SLC15A5: variants seen among roughly 807,000 people sequenced by gnomAD.
SLC15A5 encodes solute carrier family 15 member 5.
A neutral mutation model predicts 56.1 loss-of-function variants in SLC15A5; 58 were observed. The observed-to-expected ratio is 1.03, with a 90% CI of 0.84 to 1.29. The LOEUF is 1.29. Among genes scored for constraint, SLC15A5 ranks in the 50% most tolerant of loss-of-function variants. The pLI, the probability that SLC15A5 is intolerant of heterozygous loss-of-function variation, is 0.00. For missense variants in SLC15A5, 681 were observed against 672.1 expected (o/e 1.01, Z -0.15); for synonymous variants, 264 against 250.5 (o/e 1.05, Z -0.51).
chr12:16,206,686 C>G (rs1354510407), intron 7 of SLC15A5, among the ~76,000 whole-genome samples: 3 of 152,176 alleles, frequency 2.0e-5, no homozygotes, highest in Non-Finnish European at 4.4e-5. Flanking sequence ...CTCAGATCTG[C>G]ACATGCTTGA....
chr12:16,242,822 G>C (rs7303178), intron 4 of SLC15A5, among the ~76,000 whole-genome samples: 3,237 of 152,270 alleles, frequency 0.021, 115 homozygotes, highest in African/African-American at 0.071. Flanking sequence ...AAGCTTTTGA[G>C]GTTAGCTATG....
chr12:16,244,548 T>G, intron 4 of SLC15A5, 32 bp downstream of exon 4: 1 of 1,510,912 alleles, frequency 6.6e-7, no homozygotes, highest in Non-Finnish European at 8.9e-7. Flanking sequence ...CACTTTCCTG[T>G]TGTTGGGGTA....
chr12:16,254,608 A>G (rs1008404225), intron 3 of SLC15A5, among the ~76,000 whole-genome samples: 1 of 152,092 alleles, frequency 6.6e-6, no homozygotes, highest in East Asian at 1.9e-4. Context: ...TTGGATGCCT[A>G]GACTGATTCC....
chr12:16,233,692 C>T (rs781388332), intron 5 of SLC15A5, among the ~76,000 whole-genome samples: 27 of 152,252 alleles, frequency 1.8e-4, no homozygotes, highest in Non-Finnish European at 2.9e-4. Context: ...TTGAGAGAGC[C>T]GTCTTTTGGG....
chr12:16,240,017 T>C (rs1864397431), intron 4 of SLC15A5, 150 bp from the exon 5 acceptor site: 3 of 685,066 alleles, frequency 4.4e-6, no homozygotes, highest in Non-Finnish European at 7.2e-6. Flanking sequence ...TATGAGCTGA[T>C]AAAGGGTCTT....
In SLC15A5 at chr12:16,216,948, T is replaced by A. The variant is rs983244072; in HGVS notation, c.1428A>T (p.Gly476=). 2.0e-6 allele frequency: 3 copies of A among 1,536,814 alleles called. No homozygotes were observed. In the Admixed American group the frequency reaches 5.9e-5, roughly 30 times the overall value. Residue 476 remains glycine, a synonymous_variant, in exon 7 of 9, where the codon GGA becomes GGT. Transcript: ENST00000344941. The stretch of plus-strand genomic sequence containing the variant: ...GCAGTGCCCCTGTGAAACAGCCAAA[T>A]CCATTGAACAGTGTCAGAAAATTCA... The part of the protein sequence containing the change: ...TSMNFLTLFN[G]FGCFTGALLV...
chr12:16,244,986 A>G (rs1486186939), intron 3 of SLC15A5, among the ~76,000 whole-genome samples, 186 bp from the exon 4 acceptor site: 1 of 152,222 alleles, frequency 6.6e-6, no homozygotes, highest in Non-Finnish European at 1.5e-5. Context: ...TGACCAGCCC[A>G]TGGTGGCACC....
rs1390672464 is a variant in SLC15A5, at chr12:16,188,820, A to T, written c.*848T>A. The T allele has an allele frequency of 6.6e-6, 1 of 152,158 alleles. No homozygotes were observed. Among genetic ancestry groups the T allele is most frequent in the Non-Finnish European group, 1.5e-5 (1 of 67,998 alleles). The allele number at this position is 152,158 out of a possible 1,614,324, so 9.4% of individuals were successfully genotyped here. On this transcript the variant is annotated 3_prime_UTR_variant, in exon 9 of 9. Coordinates refer to ENST00000344941, the MANE Select transcript of SLC15A5 (RefSeq NM_001170798.1). ...GAGAAACAGACTTTAATTTTATTTG[A>T]TTTTTTAAAAAATGAGTTTCCACAT... is the stretch of plus-strand genomic sequence containing the variant.
chr12:16,197,031 AAGAT>A (rs1159273603), intron 7 of SLC15A5, among the ~76,000 whole-genome samples: 1 of 151,966 alleles, frequency 6.6e-6, no homozygotes, highest in Non-Finnish European at 1.5e-5. Context: ...AAGTTAGAGA[AAGAT>A]AGTATAAATC....
chr12:16,274,370 C>T (rs1864794553), intron 1 of SLC15A5, among the ~76,000 whole-genome samples: 1 of 152,000 alleles, frequency 6.6e-6, no homozygotes, highest in Admixed American at 6.6e-5. Flanking sequence ...AAAATGGCTC[C>T]TCCATGTTCG....
chr12:16,264,358 T>G (rs926449919), intron 2 of SLC15A5, among the ~76,000 whole-genome samples: 1 of 152,244 alleles, frequency 6.6e-6, no homozygotes, highest in African/African-American at 2.4e-5. Flanking sequence ...TTGGAATGGC[T>G]GTATTTACCC....
chr12:16,232,383 G>A (rs147953947), intron 5 of SLC15A5, among the ~76,000 whole-genome samples: 2 of 152,102 alleles, frequency 1.3e-5, no homozygotes, highest in East Asian at 3.9e-4. Flanking sequence ...ATTTTAGGAA[G>A]GTCCAACATC....
At chr12:16,227,546 G>A (rs775324203) in intron 5 of SLC15A5, among the ~76,000 whole-genome samples, 12 of 152,278 alleles carry the variant, frequency 7.9e-5, no homozygotes, top group East Asian at 7.7e-4. Flanking sequence ...GTTTCAGTAC[G>A]AAAAGGTGAA....
intron 5 of SLC15A5, among the ~76,000 whole-genome samples, chr12:16,225,062 AT>A (rs775166075): frequency 6.6e-6 from 1 of 152,006 alleles, no homozygotes; most frequent in African/African-American, 2.4e-5. Context: ...TGAACCCATG[AT>A]TTTTTATGGC....
At chr12:16,197,550 A>T (rs969708579) in intron 7 of SLC15A5, among the ~76,000 whole-genome samples, 2 of 152,148 alleles carry the variant, frequency 1.3e-5, no homozygotes, top group Admixed American at 6.6e-5. Flanking sequence ...TGAAATGATG[A>T]TAACAGAATC....
chr12:16,251,705 G>A (rs1671474), intron 3 of SLC15A5, among the ~76,000 whole-genome samples: 152,053 of 152,054 alleles, frequency 1, 76,026 homozygotes, highest in Non-Finnish European at 1. Context: ...GAAAAGCCCA[G>A]GACCAGATGG....
rs1864775479 is a variant in SLC15A5, at chr12:16,272,906, A to G, written c.362-123T>C. The G allele has an allele frequency of 3.5e-5, 30 of 857,302 alleles. 1 individual carries two copies. In the South Asian group the frequency reaches 4.1e-4, roughly 12 times the overall value. The allele number at this position is 857,302 out of a possible 1,614,324, so 53.1% of individuals were successfully genotyped here. On this transcript the variant is annotated intron_variant, in intron 1 of 8. Transcript: ENST00000344941. ...TTGTGATTGTCTTATCCAAACATTT[A>G]TGGTAGTCATTGCAATTTCAGGGAT...
At chr12:16,253,096 A>G (rs573864487) in intron 3 of SLC15A5, among the ~76,000 whole-genome samples, 13 of 152,260 alleles carry the variant, frequency 8.5e-5, no homozygotes, top group African/African-American at 2.9e-4. Context: ...CATGCAAAAG[A>G]ATGAAGTTGG....
At chr12:16,273,099 A>G (rs1447613438) in intron 1 of SLC15A5, among the ~76,000 whole-genome samples, 1 of 152,090 alleles carries the variant, frequency 6.6e-6, no homozygotes, top group Non-Finnish European at 1.5e-5. Context: ...AAAGCATTGT[A>G]TAAAAAATGA....
Sources: allele counts gnomAD v4.1 joint callset (sites outside exome capture counted in the v4.1 genomes callset), GRCh38; gene constraint gnomAD v4.1.1; transcripts MANE v1.5; gene names NCBI Gene and HGNC (gene_info 2026-07-23, HGNC 2026-07-21).